SLC24A2: variants seen among roughly 807,000 people sequenced by gnomAD.
The protein encoded by SLC24A2 is sodium/potassium/calcium exchanger 2.
SLC24A2 carries 36 observed loss-of-function variants against 62.0 expected under a neutral mutation model. That is an observed-to-expected ratio of 0.58 (90% CI 0.44 to 0.77). SLC24A2 has a LOEUF of 0.77. SLC24A2 is among the 30% of genes least tolerant of loss of function. SLC24A2 has a pLI of 0.00. For missense variants in SLC24A2, 846 were observed against 817.9 expected (o/e 1.03, Z -0.42); for synonymous variants, 358 against 294.0 (o/e 1.22, Z -2.23).
intron 10 of SLC24A2, among the ~76,000 whole-genome samples, chr9:19,517,063 T>G (rs1416733171): frequency 6.6e-6 from 1 of 152,214 alleles, no homozygotes; most frequent in Non-Finnish European, 1.5e-5. Context: ...TTATATATTT[T>G]TATACCTGTT....
chr9:20,042,402 G>A, the SLC24A2 span, among the ~76,000 whole-genome samples: 1 of 152,200 alleles, frequency 6.6e-6, no homozygotes, highest in Non-Finnish European at 1.5e-5. Flanking sequence ...CCTTCTGGAA[G>A]AAATGTTATA....
At chr9:20,195,118 A>G in the SLC24A2 span, among the ~76,000 whole-genome samples, 1 of 152,126 alleles carries the variant, frequency 6.6e-6, no homozygotes, top group Non-Finnish European at 1.5e-5. Context: ...TGTAATTTTA[A>G]TGTATTCATG....
the SLC24A2 span, among the ~76,000 whole-genome samples, chr9:20,301,095 G>C: frequency 6.6e-6 from 1 of 152,168 alleles, no homozygotes; most frequent in Non-Finnish European, 1.5e-5. Context: ...ACCTGAAGAG[G>C]CCACAAAGGC....
chr9:20,229,752 C>T, the SLC24A2 span, among the ~76,000 whole-genome samples: 1 of 151,248 alleles, frequency 6.6e-6, no homozygotes, highest in South Asian at 2.1e-4. Context: ...TATTATTATA[C>T]TTTAAGTTTT....
chr9:20,138,870 C>G, the SLC24A2 span, among the ~76,000 whole-genome samples: 1 of 152,198 alleles, frequency 6.6e-6, no homozygotes, highest in East Asian at 1.9e-4. Context: ...TCATTTCGCT[C>G]CCAGGCGAAG....
the SLC24A2 span, among the ~76,000 whole-genome samples, chr9:19,895,122 C>G: frequency 6.6e-6 from 1 of 152,182 alleles, no homozygotes; most frequent in Non-Finnish European, 1.5e-5. Context: ...GCAAGAGCCA[C>G]TGGCACGGTT....
At chr9:19,626,967 T>C (rs900743528) in intron 2 of SLC24A2, among the ~76,000 whole-genome samples, 2 of 152,238 alleles carry the variant, frequency 1.3e-5, no homozygotes, top group African/African-American at 2.4e-5. Context: ...TCTTTCTCCC[T>C]CCTTTTACTT....
At chr9:20,221,058 C>G in the SLC24A2 span, among the ~76,000 whole-genome samples, 2 of 152,182 alleles carry the variant, frequency 1.3e-5, no homozygotes, top group East Asian at 3.9e-4. Context: ...CATTCTTATC[C>G]TTATCACCAG....
At chr9:19,746,099 T>A (rs1352037682) in intron 2 of SLC24A2, among the ~76,000 whole-genome samples, 1 of 152,022 alleles carries the variant, frequency 6.6e-6, no homozygotes, top group Non-Finnish European at 1.5e-5. Flanking sequence ...AATCTGTTTT[T>A]TTTTCTCTCT....
chr9:19,810,215 G>A, the SLC24A2 span, among the ~76,000 whole-genome samples: 1 of 152,186 alleles, frequency 6.6e-6, no homozygotes, highest in Non-Finnish European at 1.5e-5. Context: ...AGGAGCACCT[G>A]TGCTCATGCC....
At chr9:19,542,962 G>C (rs966474784) in intron 8 of SLC24A2, among the ~76,000 whole-genome samples, 1 of 152,132 alleles carries the variant, frequency 6.6e-6, no homozygotes, top group African/African-American at 2.4e-5. Flanking sequence ...AAATGAGTTA[G>C]GGAGGATCCC....
the SLC24A2 span, among the ~76,000 whole-genome samples, chr9:20,018,683 C>T: frequency 3.3e-5 from 5 of 152,212 alleles, no homozygotes; most frequent in African/African-American, 4.8e-5. Flanking sequence ...GAACCCACTA[C>T]ACACCAGGCA....
chr9:20,270,177 T>A, the SLC24A2 span, among the ~76,000 whole-genome samples: 2 of 152,244 alleles, frequency 1.3e-5, no homozygotes, highest in South Asian at 2.1e-4. Context: ...AACCTATTCA[T>A]AAGGGATCCA....
the SLC24A2 span, among the ~76,000 whole-genome samples, chr9:19,935,194 C>G: frequency 2.6e-5 from 4 of 151,538 alleles, no homozygotes; most frequent in Non-Finnish European, 4.4e-5. Flanking sequence ...AGCTTCCAGC[C>G]TGACCTACTA....
At chr9:20,199,522 T>G in the SLC24A2 span, among the ~76,000 whole-genome samples, 2 of 152,178 alleles carry the variant, frequency 1.3e-5, no homozygotes, top group Non-Finnish European at 2.9e-5. Flanking sequence ...GTTTTAAATT[T>G]TTAATCCTTT....
At chr9:19,827,764 C>A in the SLC24A2 span, among the ~76,000 whole-genome samples, 1 of 152,100 alleles carries the variant, frequency 6.6e-6, no homozygotes, top group East Asian at 1.9e-4. Context: ...CCAGAGACAC[C>A]TTTTCTGCTT....
At chr9:19,557,211 G>A (rs887144412) in intron 7 of SLC24A2, among the ~76,000 whole-genome samples, 8 of 152,176 alleles carry the variant, frequency 5.3e-5, no homozygotes, top group Admixed American at 3.9e-4. Context: ...TTTACATCCA[G>A]TTATACCAGG....
the SLC24A2 span, among the ~76,000 whole-genome samples, chr9:19,968,704 G>C: frequency 5.3e-5 from 8 of 152,300 alleles, no homozygotes; most frequent in East Asian, 1.9e-4. Context: ...GCTGGCATCA[G>C]AACATTTACA....
the SLC24A2 span, among the ~76,000 whole-genome samples, chr9:19,981,584 C>G: frequency 1.3e-5 from 2 of 152,174 alleles, 1 homozygote; most frequent in East Asian, 3.9e-4. Context: ...TACAATAAAG[C>G]TGCATAACAA....
Sources: allele counts gnomAD v4.1 joint callset (sites outside exome capture counted in the v4.1 genomes callset), GRCh38; gene constraint gnomAD v4.1.1; transcripts MANE v1.5; gene names NCBI Gene and HGNC (gene_info 2026-07-23, HGNC 2026-07-21).